Variants in SLC1A2 observed in about 807,000 individuals in gnomAD.
SLC1A2 encodes the protein excitatory amino acid transporter 2.
A neutral mutation model predicts 48.8 loss-of-function variants in SLC1A2; 15 were observed. The ratio of observed to expected loss-of-function variants is 0.31; its 90% confidence interval spans 0.21 to 0.47. The LOEUF is 0.47. Among genes scored for constraint, SLC1A2 ranks in the 20% least tolerant of loss-of-function variants. SLC1A2 has a pLI of 0.99. For synonymous variants in SLC1A2, 279 were observed against 272.6 expected (o/e 1.02, Z -0.23); for missense variants, 502 against 730.5 (o/e 0.69, Z 3.61).
chr11:35,320,975 G>A (rs770017419), intron 1 of SLC1A2, among the ~76,000 whole-genome samples: 14 of 152,200 alleles, frequency 9.2e-5, no homozygotes, highest in Non-Finnish European at 1.5e-4. Flanking sequence ...ACCCGAGACT[G>A]TGAAATTTAC....
At chr11:35,291,672 G>C (rs191536480) in intron 7 of SLC1A2, 17 of 153,390 alleles carry the variant, frequency 1.1e-4, no homozygotes, top group African/African-American at 4.1e-4. Context: ...ACATATCTCT[G>C]GGGTCCTCTT....
intron 1 of SLC1A2, among the ~76,000 whole-genome samples, chr11:35,348,450 G>A (rs1020607156): frequency 1.3e-5 from 2 of 151,964 alleles, no homozygotes; most frequent in Non-Finnish European, 2.9e-5. Flanking sequence ...AATAAATGAA[G>A]AAGAAATATT....
At chr11:35,270,997 A>G (rs1213495616) in intron 9 of SLC1A2, among the ~76,000 whole-genome samples, 4 of 152,226 alleles carry the variant, frequency 2.6e-5, no homozygotes, top group Non-Finnish European at 5.9e-5. Flanking sequence ...TAAGCCTGAA[A>G]GAGTGAAATC....
chr11:35,365,812 G>A (rs1299545473), intron 1 of SLC1A2, among the ~76,000 whole-genome samples: 1 of 152,160 alleles, frequency 6.6e-6, no homozygotes, highest in East Asian at 1.9e-4. Context: ...AGTTCCTTGG[G>A]AATTAGCAAT....
chr11:35,315,512 G>T, intron 2 of SLC1A2: 1 of 212,872 alleles, frequency 4.7e-6, no homozygotes, highest in Non-Finnish European at 9.8e-6. Flanking sequence ...AACTATAAGG[G>T]GCTGGGCACA....
intron 9 of SLC1A2, among the ~76,000 whole-genome samples, chr11:35,272,510 C>A (rs1308875888): frequency 6.6e-6 from 1 of 152,184 alleles, no homozygotes; most frequent in Non-Finnish European, 1.5e-5. Context: ...GGCAGAACAC[C>A]CTTGAGGCTG....
At chr11:35,377,432 AACAG>A (rs1348948398) in intron 1 of SLC1A2, among the ~76,000 whole-genome samples, 1 of 152,156 alleles carries the variant, frequency 6.6e-6, no homozygotes, top group African/African-American at 2.4e-5. Context: ...TGCACTGTGT[AACAG>A]ATGCTCTACA....
Position 35,306,218 on chromosome 11 carries a change from G to A in SLC1A2, c.586C>T (p.Leu196=), listed in dbSNP as rs748945892. 15 of 1,613,698 alleles carry A rather than the reference G, an allele frequency of 9.3e-6. No individual in the cohort carries two copies. The highest frequency in any genetic ancestry group is 1.7e-4 in the Middle Eastern group (1 of 6,056). Residue 196 remains leucine (L), a synonymous_variant, in exon 5 of 11, where the codon CTG becomes TTG. Coordinates refer to ENST00000278379, the MANE Select transcript of SLC1A2 (RefSeq NM_004171.4). ...QQIQTVTKKV[L]VAPPPDEEAN... ...TCCTCGTCCGGCGGTGGTGCAACCA[G>A]GACTTTCTTCGTCACTGTTTGAATC...
At chr11:35,386,448 A>G (rs1854587241) in intron 1 of SLC1A2, among the ~76,000 whole-genome samples, 1 of 152,240 alleles carries the variant, frequency 6.6e-6, no homozygotes, top group African/African-American at 2.4e-5. Context: ...GTCAGTGTAC[A>G]TCAACAATCA....
chr11:35,298,603 A>T (rs1193372360), intron 6 of SLC1A2: 1 of 152,244 alleles, frequency 6.6e-6, no homozygotes, highest in Non-Finnish European at 1.5e-5. Flanking sequence ...AGCCTAGATG[A>T]GGTAACCAAA....
chr11:35,305,759 A>T (rs985400298), intron 5 of SLC1A2, among the ~76,000 whole-genome samples: 1 of 152,206 alleles, frequency 6.6e-6, no homozygotes, highest in Non-Finnish European at 1.5e-5. Context: ...GTGTCACTTA[A>T]TAACACAGAG....
intron 9 of SLC1A2, among the ~76,000 whole-genome samples, chr11:35,271,120 G>A (rs1228063342): frequency 6.6e-6 from 1 of 152,202 alleles, no homozygotes; most frequent in Non-Finnish European, 1.5e-5. Flanking sequence ...AAGAGTCAAA[G>A]ATTCCTCTCA....
intron 1 of SLC1A2, among the ~76,000 whole-genome samples, chr11:35,384,575 TC>T (rs1854528381): frequency 6.6e-6 from 1 of 152,238 alleles, no homozygotes; most frequent in Non-Finnish European, 1.5e-5. Flanking sequence ...AGCTTTAGGC[TC>T]AGTGGATTAG....
intron 1 of SLC1A2, among the ~76,000 whole-genome samples, chr11:35,343,220 C>T (rs1452043617): frequency 6.6e-6 from 1 of 152,178 alleles, no homozygotes; most frequent in African/African-American, 2.4e-5. Flanking sequence ...GATAAAAGAC[C>T]CTGAAAAACA....
Position 35,301,587 on chromosome 11 carries a change from G to C in SLC1A2, c.789C>G (p.Ala263=). The change falls in exon 6 of 11, where the codon GCC becomes GCG. Residue 263 remains alanine, a synonymous_variant. Coordinates refer to ENST00000278379, the MANE Select transcript of SLC1A2 (RefSeq NM_004171.4). The part of the protein sequence containing the change: ...GIAMGKMGDQ[A]KLMVDFFNIL... ...TGTTGAAGAAATCCACCATCAGCTTGGCCTGATCTCCCATCTTCCCCATAG... is the reference window on the plus strand; with the variant it reads ...TGTTGAAGAAATCCACCATCAGCTTCGCCTGATCTCCCATCTTCCCCATAG... 6.2e-7 allele frequency: 1 copy of C among 1,613,478 alleles called. No individual in the cohort carries two copies. Among genetic ancestry groups the C allele is most frequent in the Non-Finnish European group, 8.5e-7 (1 of 1,179,510 alleles).
In SLC1A2 at chr11:35,256,730, A is replaced by C. The variant is rs1425915922; in HGVS notation, c.*4164T>G. The C allele has an allele frequency of 6.6e-6, 1 of 152,106 alleles. No individual in the cohort carries two copies. The highest frequency in any genetic ancestry group is 1.5e-5 in the Non-Finnish European group (1 of 68,036). The allele number at this position is 152,106 out of a possible 1,614,324, so 9.4% of individuals were successfully genotyped here. A position where few individuals can be genotyped will look rare whatever the true frequency, so the allele number is the denominator to read the frequency against. ...CTTTTTCTTGGTTTGGAATGAGTTCAGTTGGAGAATAAGTAAAACAAACCA... is the reference window on the plus strand; with the variant it reads ...CTTTTTCTTGGTTTGGAATGAGTTCCGTTGGAGAATAAGTAAAACAAACCA... On this transcript the variant is annotated 3_prime_UTR_variant, in exon 11 of 11. Transcript: ENST00000278379.
chr11:35,414,234 T>C (rs1169516121), intron 1 of SLC1A2, among the ~76,000 whole-genome samples: 1 of 152,188 alleles, frequency 6.6e-6, no homozygotes, highest in African/African-American at 2.4e-5. Context: ...TGAGAAACAA[T>C]ACTTTTTAAA....
At chr11:35,388,129 G>A (rs926348049) in intron 1 of SLC1A2, among the ~76,000 whole-genome samples, 3 of 152,098 alleles carry the variant, frequency 2.0e-5, no homozygotes, top group East Asian at 1.9e-4. Context: ...ATCAACCCTC[G>A]GGGAAAGGAA....
intron 7 of SLC1A2, among the ~76,000 whole-genome samples, chr11:35,290,464 C>G (rs929437372): frequency 6.6e-6 from 1 of 152,066 alleles, no homozygotes; most frequent in African/African-American, 2.4e-5. Flanking sequence ...TATATACATA[C>G]ATAGTAAGAA....
Sources: allele counts gnomAD v4.1 joint callset (sites outside exome capture counted in the v4.1 genomes callset), GRCh38; gene constraint gnomAD v4.1.1; transcripts MANE v1.5; gene names NCBI Gene and HGNC (gene_info 2026-07-23, HGNC 2026-07-21).